Variants in PLCG2 observed in about 807,000 individuals in gnomAD.
PLCG2 encodes phospholipase C gamma 2.
A neutral mutation model predicts 175.6 loss-of-function variants in PLCG2; 69 were observed. The observed-to-expected ratio is 0.39, with a 90% CI of 0.32 to 0.48. The LOEUF (loss-of-function observed/expected upper bound fraction) is 0.48. Ranked by LOEUF, PLCG2 falls within the 20% of genes least tolerant of loss-of-function variation. The pLI is 0.91. For synonymous variants in PLCG2, 827 were observed against 624.0 expected (o/e 1.33, Z -4.85); for missense variants, 1,798 against 1,650.9 (o/e 1.09, Z -1.54).
intron 2 of PLCG2, chr16:81,767,771 C>T (rs982832640): frequency 6.6e-6 from 1 of 152,168 alleles, no homozygotes; most frequent in Non-Finnish European, 1.5e-5. Context: ...ACACTTCTTC[C>T]CACTCCAGCC....
intron 2 of PLCG2, among the ~76,000 whole-genome samples, chr16:81,851,019 C>T (rs1033028659): frequency 6.6e-6 from 1 of 152,112 alleles, no homozygotes; most frequent in African/African-American, 2.4e-5. Context: ...TCCCCCCAGC[C>T]AGCTTGTAGT....
chr16:81,755,360 C>T (rs142674280), intron 1 of PLCG2, among the ~76,000 whole-genome samples: 3,090 of 135,618 alleles, frequency 0.023, 160 homozygotes, highest in East Asian at 0.21. Context: ...CCATGCCTGG[C>T]TAATTTTGTA....
intron 19 of PLCG2, among the ~76,000 whole-genome samples, chr16:81,913,497 A>C (rs1909718534): frequency 6.6e-6 from 1 of 152,218 alleles, no homozygotes; most frequent in Non-Finnish European, 1.5e-5. Context: ...TTTGAGGTTC[A>C]GATGCAGGCC....
chr16:81,883,559 C>T lies in PLCG2; in HGVS notation c.765+218C>T, dbSNP rs1235005417. The T allele has an allele frequency of 5.1e-6, 3 of 587,266 alleles. No homozygotes were observed. In the South Asian group the frequency reaches 6.0e-5, roughly 12 times the overall value. 36.4% of individuals were successfully genotyped at this position (587,266 alleles called of 1,614,324 possible). ...CACTGAAACTCTGGATGAGAAGAGC[C>T]TCATGTCGGGCCTCTTTTGAAGGCA... On this transcript the variant is annotated intron_variant, in intron 9 of 32. Transcript: ENST00000564138.
chr16:81,935,321 C>G (rs1910662017), intron 26 of PLCG2, among the ~76,000 whole-genome samples: 2 of 152,052 alleles, frequency 1.3e-5, no homozygotes, highest in African/African-American at 4.8e-5. Flanking sequence ...CAGAATAAGC[C>G]TCCCATTTCA....
intron 31 of PLCG2, among the ~76,000 whole-genome samples, chr16:81,952,497 A>C (rs536180255): frequency 2.9e-4 from 44 of 152,304 alleles, no homozygotes; most frequent in Non-Finnish European, 5.4e-4. Flanking sequence ...AAGGACCTGG[A>C]GCATCTTAAC....
chr16:81,777,322 G>GTAA (rs1395654423), upstream of PLCG2, among the ~76,000 whole-genome samples: 3 of 150,208 alleles, frequency 2.0e-5, no homozygotes, highest in Admixed American at 6.7e-5. Context: ...TGTAGACTTT[G>GTAA]TAATAATAAA....
intron 19 of PLCG2, among the ~76,000 whole-genome samples, chr16:81,919,181 C>T (rs1017557027): frequency 6.6e-6 from 1 of 152,164 alleles, no homozygotes; most frequent in African/African-American, 2.4e-5. Context: ...TACTCTTGAC[C>T]TAGTTCCCTA....
intron 2 of PLCG2, among the ~76,000 whole-genome samples, chr16:81,844,143 ATTTTTTT>A (rs60183943): frequency 0.026 from 2,426 of 93,958 alleles, 87 homozygotes; most frequent in African/African-American, 0.092. Context: ...CACCCGGCTG[ATTTTTTT>A]TTTTTTTTTT....
chr16:81,927,519 C>T (rs1047680381), intron 23 of PLCG2, among the ~76,000 whole-genome samples: 1 of 152,194 alleles, frequency 6.6e-6, no homozygotes, highest in African/African-American at 2.4e-5. Flanking sequence ...GACAGCCAGA[C>T]ATTGAGAACG....
At chr16:81,895,375 A>G (rs954141735) in intron 12 of PLCG2, among the ~76,000 whole-genome samples, 2 of 152,214 alleles carry the variant, frequency 1.3e-5, no homozygotes, top group African/African-American at 2.4e-5. Context: ...CCTGGCCAAC[A>G]TGGTGCAACC....
chr16:81,949,211 C>A (rs569595119), intron 31 of PLCG2, among the ~76,000 whole-genome samples: 10 of 152,230 alleles, frequency 6.6e-5, no homozygotes, highest in African/African-American at 2.4e-4. Context: ...GTTAAACAGA[C>A]GGTGGAGAGC....
chr16:81,762,721 C>T (rs1370424304), intron 2 of PLCG2, among the ~76,000 whole-genome samples: 1 of 152,136 alleles, frequency 6.6e-6, no homozygotes, highest in African/African-American at 2.4e-5. Context: ...CAAAAGAATA[C>T]ACCACTGCAA....
At chr16:81,808,068 C>G (rs920971683) in intron 2 of PLCG2, among the ~76,000 whole-genome samples, 1 of 152,208 alleles carries the variant, frequency 6.6e-6, no homozygotes, top group African/African-American at 2.4e-5. Context: ...TTGTTTCTAC[C>G]TTTTGGCTAT....
intron 5 of PLCG2, among the ~76,000 whole-genome samples, chr16:81,864,547 G>T (rs56943275): frequency 0.19 from 29,181 of 152,052 alleles, 3,278 homozygotes; most frequent in Non-Finnish European, 0.25. Context: ...AATTTCTGTG[G>T]GCCTCAGTTT....
At chr16:81,849,703 G>A (rs907393285) in intron 2 of PLCG2, among the ~76,000 whole-genome samples, 8 of 150,254 alleles carry the variant, frequency 5.3e-5, no homozygotes, top group African/African-American at 9.8e-5. Flanking sequence ...CCCAGGAGGC[G>A]GAGGTTGCAC....
At chr16:81,758,520 T>A (rs1240503945) in intron 2 of PLCG2, among the ~76,000 whole-genome samples, 1 of 152,100 alleles carries the variant, frequency 6.6e-6, no homozygotes, top group Non-Finnish European at 1.5e-5. Context: ...TACCTAGGAG[T>A]GGCCTTGCTG....
At chr16:81,893,155 G>C (rs913905893) in intron 11 of PLCG2, among the ~76,000 whole-genome samples, 8 of 152,110 alleles carry the variant, frequency 5.3e-5, no homozygotes, top group African/African-American at 1.9e-4. Context: ...CATCGTGCTT[G>C]GCCTCGGAAC....
chr16:81,895,437 G>A (rs1032362518), intron 12 of PLCG2, among the ~76,000 whole-genome samples: 6 of 152,122 alleles, frequency 3.9e-5, no homozygotes, highest in African/African-American at 1.4e-4. Flanking sequence ...GTACGCGCCT[G>A]TAGTCCCAGT....
Sources: gnomAD v4.1 joint callset for allele counts (sites outside exome capture counted in the v4.1 genomes callset) on GRCh38, gnomAD v4.1.1 for gene constraint, MANE v1.5 for transcripts, NCBI Gene and HGNC (gene_info 2026-07-23, HGNC 2026-07-21) for gene names.